The following FANCB variants were observed in gnomAD, a reference collection of about 807,000 sequenced individuals.
FANCB encodes the protein Fanconi anemia group B protein.
FANCB carries 5 observed loss-of-function variants against 38.9 expected under a neutral mutation model. The observed-to-expected ratio is 0.13, with a 90% CI of 0.07 to 0.27. FANCB has a LOEUF of 0.27. FANCB is among the 10% of genes least tolerant of loss of function. The probability of loss-of-function intolerance (pLI) is 1.00; values close to 1 mark genes in which losing one functional copy is unlikely to be tolerated. For missense variants in FANCB, 573 were observed against 602.7 expected, an observed-to-expected ratio of 0.95 and a Z score of 0.52; for synonymous variants, 236 against 215.4, an observed-to-expected ratio of 1.10 and a Z score of -0.84.
At chrX:14,749,519 G>A in the FANCB span, among the ~76,000 whole-genome samples, 1 of 111,264 alleles carries the variant, frequency 9.0e-6, no homozygotes, top group African/African-American at 3.3e-5. Context: ...TGTGGTAGGC[G>A]AATAAAGCTT....
the FANCB span, among the ~76,000 whole-genome samples, chrX:14,769,674 T>C: frequency 8.9e-6 from 1 of 111,824 alleles, no homozygotes. Context: ...GCTCTAATCT[T>C]GGTTATTCCT....
intron 5 of FANCB, 90 bp from the exon 6 acceptor site, chrX:14,853,257 G>A (rs1331128409): frequency 1.2e-6 from 1 of 832,036 alleles, no homozygotes; most frequent in Admixed American, 2.7e-5. Flanking sequence ...TTCTCCAAAT[G>A]TGCTTATCAA....
chrX:14,790,905 G>A, the FANCB span, among the ~76,000 whole-genome samples: 3 of 110,854 alleles, frequency 2.7e-5, no homozygotes, highest in Admixed American at 9.7e-5. Flanking sequence ...GGACTCAGTC[G>A]CACCAGGACT....
intron 6 of FANCB, among the ~76,000 whole-genome samples, chrX:14,851,927 T>C (rs773767339): frequency 1.6e-4 from 18 of 111,750 alleles, no homozygotes; most frequent in African/African-American, 5.9e-4. Context: ...ACACAAAGCA[T>C]AGCCCATGAC....
At chrX:14,799,940 C>T in the FANCB span, among the ~76,000 whole-genome samples, 1 of 111,495 alleles carries the variant, frequency 9.0e-6, no homozygotes, top group South Asian at 3.7e-4. Context: ...TAAGTGTTGT[C>T]TAGTTTCTCC....
At chrX:14,859,875 A>C (rs546580150) in intron 3 of FANCB, among the ~76,000 whole-genome samples, 1 of 111,480 alleles carries the variant, frequency 9.0e-6, no homozygotes, top group African/African-American at 3.3e-5. Flanking sequence ...AAGAGCTCTT[A>C]ATGGAAAATA....
downstream of FANCB, chrX:14,834,694 T>C: frequency 7.0e-6 from 5 of 715,249 alleles, no homozygotes; most frequent in Non-Finnish European, 1.1e-5. Flanking sequence ...CCTTTTTATC[T>C]TGGTGTTGAT....
the FANCB span, among the ~76,000 whole-genome samples, chrX:14,692,017 C>T: frequency 1.8e-5 from 2 of 111,806 alleles, no homozygotes; most frequent in African/African-American, 6.5e-5. Flanking sequence ...AGATGTAAAG[C>T]TGAATATTTG....
chrX:14,810,742 A>G, the FANCB span, among the ~76,000 whole-genome samples: 10 of 111,967 alleles, frequency 8.9e-5, no homozygotes, highest in South Asian at 3.0e-3. Flanking sequence ...AAAACACTCT[A>G]CAGGATATTA....
chrX:14,843,302 C>T (rs1393955347), downstream of FANCB: 2 of 304,396 alleles, frequency 6.6e-6, no homozygotes, highest in Non-Finnish European at 1.1e-5. Context: ...ACCCCTGCCT[C>T]ACCCCTTCCT....
the FANCB span, among the ~76,000 whole-genome samples, chrX:14,819,499 C>T: frequency 4.5e-5 from 5 of 111,406 alleles, no homozygotes; most frequent in African/African-American, 1.6e-4. Flanking sequence ...ATGGAAGAAC[C>T]GACAAGACTG....
the FANCB span, among the ~76,000 whole-genome samples, chrX:14,693,594 C>T: frequency 8.9e-6 from 1 of 111,945 alleles, no homozygotes; most frequent in Non-Finnish European, 1.9e-5. Flanking sequence ...GGATATAAAA[C>T]ATTTAACAAC....
the FANCB span, among the ~76,000 whole-genome samples, chrX:14,783,834 C>T: frequency 1.8e-5 from 2 of 112,785 alleles, no homozygotes. Context: ...TGCAAATGTG[C>T]CTTGTTAGCA....
At position 14,843,553 on chromosome X, in the gene FANCB, A is replaced by C. The variant is rs2375726; in HGVS notation, c.*14T>G. On this transcript the variant is annotated 3_prime_UTR_variant, in exon 10 of 10. Coordinates refer to ENST00000650831, the MANE Select transcript of FANCB (RefSeq NM_001018113.3). ...GAAAACATATTTTAAAATATGATCA[A>C]ATTGAAATTATAATTATAAATTACT... The C allele has an allele frequency of 8.8e-7, 1 of 1,134,615 alleles. No individual in the cohort carries two copies. Among genetic ancestry groups the C allele is most frequent in the East Asian group, 3.0e-5 (1 of 33,273 alleles). 93.5% of individuals were successfully genotyped at this position (1,134,615 alleles called of 1,213,427 possible). A position where few individuals can be genotyped will look rare whatever the true frequency, so the allele number is the denominator to read the frequency against.
rs1048187430 is a variant in FANCB, at chrX:14,870,521, C to T, written c.-191-1478G>A. Reference sequence around the variant, plus strand: ...TAAAATACTACATAATTAATTTGAGCTTTTCCTGTTCTATATTACCATACA... The same window carrying T: ...TAAAATACTACATAATTAATTTGAGTTTTTCCTGTTCTATATTACCATACA... On this transcript the variant is annotated intron_variant, in intron 1 of 9. Transcript: ENST00000650831. Among the ~76,000 whole-genome samples, 5 of 111,641 alleles carry T rather than the reference C, an allele frequency of 4.5e-5. No homozygotes were observed. The South Asian group carries it at 1.8e-3, about 41-fold the overall frequency.
intron 5 of FANCB, 120 bp downstream of exon 5, chrX:14,857,742 G>C (rs2092428936): frequency 1.8e-6 from 1 of 550,394 alleles, no homozygotes; most frequent in African/African-American, 2.3e-5. Flanking sequence ...AAGATCCTTT[G>C]AAATACCATT....
At chrX:14,845,687 C>T (rs1007622141) in intron 7 of FANCB, among the ~76,000 whole-genome samples, 2 of 110,846 alleles carry the variant, frequency 1.8e-5, no homozygotes, top group Admixed American at 9.6e-5. Flanking sequence ...AAGAAAAAAC[C>T]TCCTCATTAT....
At chrX:14,773,389 TA>T in the FANCB span, among the ~76,000 whole-genome samples, 1 of 111,809 alleles carries the variant, frequency 8.9e-6, no homozygotes. Context: ...TTGTGAATAG[TA>T]AGGTGTCATA....
chrX:14,867,939 G>T (rs957576750), intron 2 of FANCB, among the ~76,000 whole-genome samples: 1 of 110,821 alleles, frequency 9.0e-6, no homozygotes, highest in Non-Finnish European at 1.9e-5. Flanking sequence ...ATGGTCAAAA[G>T]GTACACACAC....
Sources: allele counts gnomAD v4.1 joint callset (sites outside exome capture counted in the v4.1 genomes callset), GRCh38; gene constraint gnomAD v4.1.1; transcripts MANE v1.5; gene names NCBI Gene and HGNC (gene_info 2026-07-23, HGNC 2026-07-21).